Variants in CNTNAP2 observed in about 807,000 individuals in gnomAD.
CNTNAP2 encodes the protein contactin associated protein 2, also known as contactin-associated protein-like 2.
Under a neutral mutation model 155.2 loss-of-function variants are expected in CNTNAP2, and 98 were observed. That is an observed-to-expected ratio of 0.63 (90% CI 0.54 to 0.75). The LOEUF (loss-of-function observed/expected upper bound fraction) is 0.75. CNTNAP2 is among the 30% of genes least tolerant of loss of function. The pLI, the probability that CNTNAP2 is intolerant of heterozygous loss-of-function variation, is 0.00. For synonymous variants in CNTNAP2, 651 were observed against 631.2 expected, an observed-to-expected ratio of 1.03 and a Z score of -0.47; for missense variants, 1,727 against 1,688.1, an observed-to-expected ratio of 1.02 and a Z score of -0.40.
intron 1 of CNTNAP2, among the ~76,000 whole-genome samples, chr7:146,697,114 G>A (rs1395245659): frequency 6.6e-6 from 1 of 151,942 alleles, no homozygotes; most frequent in Non-Finnish European, 1.5e-5. Flanking sequence ...ATAATAGTGG[G>A]TTTACTTATT....
chr7:146,281,682 C>A (rs1436477023), intron 1 of CNTNAP2, among the ~76,000 whole-genome samples: 2 of 151,854 alleles, frequency 1.3e-5, no homozygotes, highest in African/African-American at 4.8e-5. Flanking sequence ...GTTATCCCAG[C>A]AACTCGGGAG....
intron 1 of CNTNAP2, among the ~76,000 whole-genome samples, chr7:146,556,461 A>C (rs1179953035): frequency 6.6e-6 from 1 of 152,212 alleles, no homozygotes; most frequent in South Asian, 2.1e-4. Flanking sequence ...TAAATCATGC[A>C]GAACAGCGTA....
At chr7:146,810,006 A>C (rs1271918433) in intron 2 of CNTNAP2, among the ~76,000 whole-genome samples, 1 of 152,132 alleles carries the variant, frequency 6.6e-6, no homozygotes, top group African/African-American at 2.4e-5. Context: ...TCTTTCATAC[A>C]TTTGGAGTTA....
intron 1 of CNTNAP2, among the ~76,000 whole-genome samples, chr7:146,594,272 T>C (rs1437140709): frequency 6.6e-6 from 1 of 152,146 alleles, no homozygotes; most frequent in Admixed American, 6.6e-5. Flanking sequence ...TCTAATGTTA[T>C]TTGATACAAT....
At chr7:148,204,934 C>T (rs184465711) in intron 18 of CNTNAP2, among the ~76,000 whole-genome samples, 3 of 152,304 alleles carry the variant, frequency 2.0e-5, no homozygotes, top group East Asian at 1.9e-4. Flanking sequence ...CTGCTCAAAG[C>T]GTTGCTGTTG....
intron 1 of CNTNAP2, among the ~76,000 whole-genome samples, chr7:146,300,636 G>A (rs1800591351): frequency 6.6e-6 from 1 of 152,030 alleles, no homozygotes; most frequent in Non-Finnish European, 1.5e-5. Flanking sequence ...ATAGTTTCAA[G>A]TTTTCAAGTT....
At chr7:146,413,261 C>T (rs1795892001) in intron 1 of CNTNAP2, among the ~76,000 whole-genome samples, 1 of 152,132 alleles carries the variant, frequency 6.6e-6, no homozygotes, top group Admixed American at 6.6e-5. Flanking sequence ...AGAGGGTCTG[C>T]ATGTCGTGAG....
intron 3 of CNTNAP2, among the ~76,000 whole-genome samples, chr7:147,015,094 T>TG (rs1308219739): frequency 6.6e-6 from 1 of 152,056 alleles, no homozygotes; most frequent in Non-Finnish European, 1.5e-5. Flanking sequence ...ACAGTGGTTT[T>TG]TTTTTTTTTC....
chr7:148,331,419 TGGGA>T (rs1798008116), intron 21 of CNTNAP2, among the ~76,000 whole-genome samples: 1 of 105,890 alleles, frequency 9.4e-6, no homozygotes, highest in African/African-American at 4.0e-5. Flanking sequence ...AATGGATGGA[TGGGA>T]TGGATGGAGT....
chr7:148,189,030 T>G (rs760750250), intron 18 of CNTNAP2, among the ~76,000 whole-genome samples: 23 of 152,192 alleles, frequency 1.5e-4, no homozygotes, highest in African/African-American at 4.8e-4. Context: ...TTATTGAGGA[T>G]GGATTGCCAG....
intron 1 of CNTNAP2, among the ~76,000 whole-genome samples, chr7:146,415,909 C>T (rs1021406443): frequency 2.6e-5 from 4 of 152,014 alleles, no homozygotes; most frequent in African/African-American, 9.7e-5. Context: ...TCTGTTCATT[C>T]ACATCAATAA....
At chr7:146,547,925 G>T (rs1384683746) in intron 1 of CNTNAP2, among the ~76,000 whole-genome samples, 1 of 151,310 alleles carries the variant, frequency 6.6e-6, no homozygotes, top group Non-Finnish European at 1.5e-5. Flanking sequence ...CCATGCATGG[G>T]CTCCATATCC....
chr7:146,240,927 G>A (rs1799550026), intron 1 of CNTNAP2, among the ~76,000 whole-genome samples: 3 of 152,132 alleles, frequency 2.0e-5, no homozygotes, highest in Admixed American at 2.0e-4. Flanking sequence ...CTCAGCTTCT[G>A]GGGAGGCCTC....
chr7:146,166,208 C>T (rs1333410281), intron 1 of CNTNAP2, among the ~76,000 whole-genome samples: 3 of 152,064 alleles, frequency 2.0e-5, no homozygotes, highest in Non-Finnish European at 4.4e-5. Context: ...ATTCTCCTGC[C>T]TCAGTCTCCC....
chr7:148,392,221 G>A (rs1036835455), intron 22 of CNTNAP2, among the ~76,000 whole-genome samples: 10 of 152,158 alleles, frequency 6.6e-5, no homozygotes, highest in African/African-American at 1.7e-4. Flanking sequence ...CTACAGGCAC[G>A]CACCACCACA....
At chr7:146,866,273 TA>T (rs1489090104) in intron 3 of CNTNAP2, among the ~76,000 whole-genome samples, 2 of 152,084 alleles carry the variant, frequency 1.3e-5, no homozygotes, top group African/African-American at 4.8e-5. Context: ...TCCAAACCTT[TA>T]ATATTAGGTA....
chr7:148,130,566 T>C (rs1418770796), intron 16 of CNTNAP2, among the ~76,000 whole-genome samples: 1 of 152,218 alleles, frequency 6.6e-6, no homozygotes, highest in Non-Finnish European at 1.5e-5. Flanking sequence ...CCCCTGTGCC[T>C]TATAAGACAA....
chr7:147,101,831 G>C (rs1054777822), intron 4 of CNTNAP2, among the ~76,000 whole-genome samples: 1 of 152,130 alleles, frequency 6.6e-6, no homozygotes, highest in African/African-American at 2.4e-5. Flanking sequence ...CATGGAGCCT[G>C]GGGTTTGGAT....
intron 8 of CNTNAP2, among the ~76,000 whole-genome samples, chr7:147,182,901 A>G (rs1802492927): frequency 6.6e-6 from 1 of 152,180 alleles, no homozygotes; most frequent in Non-Finnish European, 1.5e-5. Context: ...AAATACTTAT[A>G]TTATTCAGTC....
Sources: gnomAD v4.1 joint callset for allele counts (sites outside exome capture counted in the v4.1 genomes callset) on GRCh38, gnomAD v4.1.1 for gene constraint, MANE v1.5 for transcripts, NCBI Gene and HGNC (gene_info 2026-07-23, HGNC 2026-07-21) for gene names.